The following CHFR variants were observed in gnomAD, a reference collection of about 807,000 sequenced individuals.
CHFR encodes E3 ubiquitin-protein ligase CHFR.
Under a neutral mutation model 87.6 loss-of-function variants are expected in CHFR, and 57 were observed. That is an observed-to-expected ratio of 0.65 (90% CI 0.53 to 0.81). The LOEUF is 0.81. Ranked by LOEUF, CHFR falls within the 30% of genes least tolerant of loss-of-function variation. The pLI, the probability that CHFR is intolerant of heterozygous loss-of-function variation, is 0.00. For synonymous variants in CHFR, 381 were observed against 359.2 expected (o/e 1.06, Z -0.69); for missense variants, 797 against 865.8 (o/e 0.92, Z 1.00).
intron 5 of CHFR, among the ~76,000 whole-genome samples, chr12:132,870,340 C>G (rs1231580242): frequency 8.7e-6 from 1 of 115,060 alleles, no homozygotes; most frequent in African/African-American, 3.5e-5. Context: ...CGACAAAGCG[C>G]GACTCCATCT....
At chr12:132,857,018 T>C (rs2128609) in intron 9 of CHFR, among the ~76,000 whole-genome samples, 68,346 of 71,860 alleles carry the variant, frequency 0.95, 32,904 homozygotes, top group East Asian at 0.98. Flanking sequence ...CTCACGTGCC[T>C]GGGTGCTGGT....
intron 4 of CHFR, chr12:132,871,874 G>GA (rs1951498756): frequency 5.9e-6 from 1 of 170,536 alleles, no homozygotes; most frequent in African/African-American, 2.4e-5. Context: ...TTCTGGAGCT[G>GA]AAAAAACTTA....
intron 6 of CHFR, 115 bp downstream of exon 6, chr12:132,869,504 C>G (rs1042383637): frequency 1.1e-5 from 10 of 911,120 alleles, no homozygotes. Context: ...AATCTCACTA[C>G]TGAGAACCTC....
In CHFR at chr12:132,836,537, A is replaced by AGCACGGC. The variant is rs1178149453; in HGVS notation, c.*5010_*5016dup. ...ACGGCACTCACAGTGACAGGCTCCCAGCACGGCGCACGGCACTCACAGTGA... is the reference window on the plus strand; with the variant it reads ...ACGGCACTCACAGTGACAGGCTCCCAGCACGGCGCACGGCGCACGGCACTCACAGTGA... On this transcript the variant is annotated 3_prime_UTR_variant, in exon 18 of 18. Coordinates refer to ENST00000450056, the MANE Select transcript of CHFR (RefSeq NM_001161346.2). 1.8e-5 allele frequency: 7 copies of AGCACGGC among 387,912 alleles called. No homozygotes were observed. Among genetic ancestry groups the AGCACGGC allele is most frequent in the African/African-American group, 1.3e-4 (6 of 46,336 alleles). The allele number at this position is 387,912 out of a possible 1,614,324, so 24.0% of individuals were successfully genotyped here.
Position 132,858,643 on chromosome 12 carries a change from G to A in CHFR, c.911+425C>T, listed in dbSNP as rs144230604. Among the ~76,000 whole-genome samples, 221 of 136,792 alleles carry A rather than the reference G, an allele frequency of 1.6e-3. 1 individual carries two copies. The highest frequency in any genetic ancestry group is 5.7e-3 in the African/African-American group (209 of 36,542). The allele number at this position is 136,792 out of a possible 152,430, so 89.7% of individuals were successfully genotyped here. On this transcript the variant is annotated intron_variant, in intron 8 of 17. Transcript: ENST00000450056. ...CTCAGGAAGCTGAGGTAGGAGAATCGTCTGAACCCGGGAGGCTGAGGTTGT... is the reference window on the plus strand; with the variant it reads ...CTCAGGAAGCTGAGGTAGGAGAATCATCTGAACCCGGGAGGCTGAGGTTGT...
intron 17 of CHFR, among the ~76,000 whole-genome samples, 181 bp downstream of exon 17, chr12:132,842,830 A>G (rs1015890807): frequency 6.6e-6 from 1 of 152,274 alleles, no homozygotes; most frequent in Non-Finnish European, 1.5e-5. Context: ...GAAGTGGAAG[A>G]CGGAGATAAA....
At chr12:132,862,522 T>C (rs1248703433) in intron 6 of CHFR, 2 of 399,210 alleles carry the variant, frequency 5.0e-6, no homozygotes, top group Non-Finnish European at 9.8e-6. Context: ...GTGGATCACT[T>C]GAGCCCGGGA....
intron 12 of CHFR, among the ~76,000 whole-genome samples, chr12:132,850,964 C>CATATATATATATATATATATAT (rs55826641): frequency 2.2e-5 from 3 of 135,682 alleles, no homozygotes; most frequent in African/African-American, 8.6e-5. Context: ...TATGTGTGTG[C>CATATATATATATATATATATAT]ATATATATAT....
Position 132,887,227 on chromosome 12 carries a change from C to T in CHFR, c.102G>A (p.Arg34=), listed in dbSNP as rs994965729. 2.7e-6 allele frequency: 4 copies of T among 1,502,980 alleles called. No individual in the cohort carries two copies. Among genetic ancestry groups the T allele is most frequent in the Non-Finnish European group, 2.6e-6 (3 of 1,132,702 alleles). The allele number at this position is 1,502,980 out of a possible 1,614,324, so 93.1% of individuals were successfully genotyped here. A position where few individuals can be genotyped will look rare whatever the true frequency, so the allele number is the denominator to read the frequency against. The part of the protein sequence containing the change: ...AEEGEPHVLL[R]KREWTIGRRR... ...TCCGCCCGATGGTCCACTCCCGCTT[C>T]CTCAGGAGGACGTGCGGCTCGCCCT... The change falls in exon 2 of 18, where the codon AGG becomes AGA. Residue 34 remains arginine, a synonymous_variant. Transcript: ENST00000450056.
chr12:132,871,120 T>C (rs1016939369), intron 4 of CHFR, among the ~76,000 whole-genome samples: 1 of 152,170 alleles, frequency 6.6e-6, no homozygotes, highest in Non-Finnish European at 1.5e-5. Context: ...GCCTAAGACA[T>C]ATTTGCCCCA....
chr12:132,881,559 A>G (rs1267070666), intron 2 of CHFR, among the ~76,000 whole-genome samples: 2 of 152,112 alleles, frequency 1.3e-5, no homozygotes, highest in Admixed American at 6.6e-5. Flanking sequence ...CACACCAAAT[A>G]AGAATTGGCT....
intron 1 of CHFR, 50 bp downstream of exon 1, chr12:132,887,496 AC>A: frequency 7.1e-6 from 2 of 282,370 alleles, no homozygotes; most frequent in African/African-American, 2.3e-5. Flanking sequence ...CACGGCCGCA[AC>A]CAGGTCCCCC....
At chr12:132,846,872 C>T (rs1950842071) in intron 15 of CHFR, among the ~76,000 whole-genome samples, 171 bp downstream of exon 15, 1 of 152,146 alleles carries the variant, frequency 6.6e-6, no homozygotes, top group Non-Finnish European at 1.5e-5. Flanking sequence ...AAGAGCGAGA[C>T]TCCATCTCAA....
chr12:132,850,318 T>C (rs1338045080), intron 12 of CHFR, among the ~76,000 whole-genome samples: 1 of 152,158 alleles, frequency 6.6e-6, no homozygotes, highest in Non-Finnish European at 1.5e-5. Context: ...AGTCCTTAAG[T>C]CTTATAACGC....
intron 3 of CHFR, among the ~76,000 whole-genome samples, chr12:132,876,161 G>A: frequency 6.8e-6 from 1 of 146,768 alleles, no homozygotes; most frequent in Admixed American, 6.8e-5. Context: ...GCAACACAGT[G>A]AAACTCCATC....
chr12:132,851,595 C>T (rs76946232), intron 12 of CHFR, 23 bp downstream of exon 12: 43,381 of 1,592,438 alleles, frequency 0.027, 809 homozygotes, highest in Admixed American at 0.062. Flanking sequence ...AACCCGCCTG[C>T]GTGCGGTGGC....
rs3741489 is a variant in CHFR, at chr12:132,841,216, T to C, written c.*338A>G. ...GAAACTTTTCCTAAAAACAGACTTCTGCTTTAACTGTAGTTTCGGAAAATG... is the reference window on the plus strand; with the variant it reads ...GAAACTTTTCCTAAAAACAGACTTCCGCTTTAACTGTAGTTTCGGAAAATG... On this transcript the variant is annotated 3_prime_UTR_variant, in exon 18 of 18. Coordinates refer to ENST00000450056, the MANE Select transcript of CHFR (RefSeq NM_001161346.2). 0.093 allele frequency: 22,056 copies of C among 237,722 alleles called. 2,628 individuals carry two copies. The highest frequency in any genetic ancestry group is 0.49 in the East Asian group (5,289 of 10,860). 14.7% of individuals were successfully genotyped at this position (237,722 alleles called of 1,614,324 possible).
chr12:132,847,410 A>T lies in CHFR; in HGVS notation c.1648-280T>A, dbSNP rs1444361663. 5 of 1,188,652 alleles carry T rather than the reference A, an allele frequency of 4.2e-6. No individual in the cohort carries two copies. The African/African-American group carries it at 7.8e-5, about 19-fold the overall frequency. The allele number at this position is 1,188,652 out of a possible 1,614,324, so 73.6% of individuals were successfully genotyped here. A position where few individuals can be genotyped will look rare whatever the true frequency, so the allele number is the denominator to read the frequency against. ...TACACAGCCCAGGTGTGAATGAGACATGAAAGCCAGGCCACAGTGCACACA... is the reference window on the plus strand; with the variant it reads ...TACACAGCCCAGGTGTGAATGAGACTTGAAAGCCAGGCCACAGTGCACACA... On this transcript the variant is annotated intron_variant, in intron 14 of 17. Transcript: ENST00000450056.
At chr12:132,858,725 TAAAAAAAAAAA>T (rs60137048) in intron 8 of CHFR, among the ~76,000 whole-genome samples, 3 of 26,796 alleles carry the variant, frequency 1.1e-4, no homozygotes, top group South Asian at 5.2e-3. Context: ...AGACTCCATC[TAAAAAAAAAAA>T]AAAAAAAAAA....
Sources: allele counts gnomAD v4.1 joint callset (sites outside exome capture counted in the v4.1 genomes callset), GRCh38; gene constraint gnomAD v4.1.1; transcripts MANE v1.5; gene names NCBI Gene and HGNC (gene_info 2026-07-23, HGNC 2026-07-21).